Variants in DCC observed in about 807,000 individuals in gnomAD.
DCC encodes DCC netrin 1 receptor.
Under a neutral mutation model 172.5 loss-of-function variants are expected in DCC, and 58 were observed. The ratio of observed to expected loss-of-function variants is 0.34; its 90% CI spans 0.27 to 0.42. DCC has a LOEUF of 0.42. Ranked by LOEUF, DCC falls within the 10% of genes least tolerant of loss-of-function variation. The probability of loss-of-function intolerance (pLI) is 1.00; values close to 1 mark genes in which losing one functional copy is unlikely to be tolerated. For synonymous variants in DCC, 709 were observed against 644.5 expected (o/e 1.10, Z -1.52); for missense variants, 1,740 against 1,791.0 (o/e 0.97, Z 0.51).
At chr18:53,527,280 A>C (rs570995637) in intron 28 of DCC, among the ~76,000 whole-genome samples, 3 of 151,626 alleles carry the variant, frequency 2.0e-5, no homozygotes, top group Admixed American at 6.6e-5. Context: ...ATTCACAGGC[A>C]CAATCATAGT....
intron 9 of DCC, among the ~76,000 whole-genome samples, chr18:53,186,488 C>T (rs2055284294): frequency 6.6e-6 from 1 of 152,150 alleles, no homozygotes; most frequent in African/African-American, 2.4e-5. Flanking sequence ...ATGAGCTGAG[C>T]TGCTTTAGGC....
intron 5 of DCC, among the ~76,000 whole-genome samples, chr18:52,941,515 T>C (rs1027824234): frequency 4.0e-5 from 6 of 151,816 alleles, no homozygotes; most frequent in African/African-American, 1.2e-4. Flanking sequence ...TATATATATA[T>C]ACACACTTGT....
intron 9 of DCC, among the ~76,000 whole-genome samples, 196 bp downstream of exon 9, chr18:53,179,312 C>T (rs571100430): frequency 1.3e-5 from 2 of 152,104 alleles, no homozygotes; most frequent in Non-Finnish European, 2.9e-5. Context: ...AGGCCACATA[C>T]CGTAATGGCA....
intron 1 of DCC, among the ~76,000 whole-genome samples, chr18:52,632,840 C>G (rs1190117793): frequency 6.6e-6 from 1 of 152,194 alleles, no homozygotes; most frequent in East Asian, 1.9e-4. Flanking sequence ...CTCCTTGCAT[C>G]CCTGCTAAAC....
intron 15 of DCC, among the ~76,000 whole-genome samples, chr18:53,352,960 C>G (rs1370051892): frequency 1.3e-5 from 2 of 152,210 alleles, no homozygotes; most frequent in East Asian, 3.9e-4. Context: ...CTTGACCTTA[C>G]CATTATTGAC....
chr18:52,981,908 G>T (rs1165721046), intron 5 of DCC, among the ~76,000 whole-genome samples: 2 of 152,034 alleles, frequency 1.3e-5, no homozygotes, highest in Admixed American at 1.3e-4. Flanking sequence ...ATTTAAGCAG[G>T]ATCTTGAAAG....
intron 5 of DCC, among the ~76,000 whole-genome samples, chr18:52,950,074 G>T (rs1793188207): frequency 6.6e-6 from 1 of 152,256 alleles, no homozygotes; most frequent in Admixed American, 6.5e-5. Context: ...CCATTTAGAA[G>T]CTTAAACTTT....
intron 2 of DCC, among the ~76,000 whole-genome samples, chr18:52,897,577 C>G (rs745531623): frequency 6.6e-6 from 1 of 152,148 alleles, no homozygotes; most frequent in Non-Finnish European, 1.5e-5. Flanking sequence ...ACTTTTCAAG[C>G]TTTTATTTAT....
intron 1 of DCC, among the ~76,000 whole-genome samples, chr18:52,436,817 G>C (rs1322531433): frequency 6.6e-6 from 1 of 152,222 alleles, no homozygotes. Context: ...CTACTCAGGA[G>C]GCTGAGGCAC....
intron 12 of DCC, among the ~76,000 whole-genome samples, chr18:53,290,471 G>A (rs2056989089): frequency 6.6e-6 from 1 of 152,038 alleles, no homozygotes; most frequent in Non-Finnish European, 1.5e-5. Context: ...TGTAACAAAT[G>A]ACCTCATAAA....
At chr18:52,591,074 T>A (rs974239885) in intron 1 of DCC, among the ~76,000 whole-genome samples, 1 of 152,226 alleles carries the variant, frequency 6.6e-6, no homozygotes, top group African/African-American at 2.4e-5. Context: ...TTTATCTTTT[T>A]ATTTATGGAA....
At chr18:52,966,218 G>C (rs2040927820) in intron 5 of DCC, among the ~76,000 whole-genome samples, 1 of 152,114 alleles carries the variant, frequency 6.6e-6, no homozygotes, top group African/African-American at 2.4e-5. Context: ...TTATGGCATG[G>C]TCATGAATAA....
At chr18:53,245,957 T>C (rs2056359871) in intron 12 of DCC, among the ~76,000 whole-genome samples, 1 of 152,068 alleles carries the variant, frequency 6.6e-6, no homozygotes. Context: ...CTGAGCATTT[T>C]GGATACCTTC....
intron 12 of DCC, among the ~76,000 whole-genome samples, chr18:53,240,653 C>G (rs2056279005): frequency 6.6e-6 from 1 of 152,078 alleles, no homozygotes; most frequent in South Asian, 2.1e-4. Context: ...TAAAATGAGA[C>G]TAATACTAGG....
chr18:53,424,789 A>G (rs981692422), intron 21 of DCC, among the ~76,000 whole-genome samples: 7 of 152,182 alleles, frequency 4.6e-5, no homozygotes, highest in African/African-American at 1.7e-4. Flanking sequence ...TCTCATGCCT[A>G]CCTTTGCAGA....
In DCC at chr18:53,500,245, G is replaced by A. The variant is rs181521113; in HGVS notation, c.4111+735G>A. The stretch of plus-strand genomic sequence containing the variant: ...GAGAGAGGCAGAGACAGAAGAAGGA[G>A]GAGAGGAGGAAAAGAAGAAACAGGT... On this transcript the variant is annotated intron_variant, in intron 27 of 28. Transcript: ENST00000442544. 1.9e-3 allele frequency among the ~76,000 whole-genome samples: 287 copies of A among 152,104 alleles called. 4 individuals are homozygous for A. In the South Asian group the frequency reaches 0.023, roughly 12 times the overall value.
intron 15 of DCC, among the ~76,000 whole-genome samples, chr18:53,381,221 T>G (rs369637339): frequency 2.6e-4 from 21 of 80,988 alleles, no homozygotes; most frequent in East Asian, 1.8e-3. Context: ...ATTTTTAATT[T>G]TTTTTCTTTT....
intron 22 of DCC, among the ~76,000 whole-genome samples, chr18:53,440,800 TAA>T (rs1912227083): frequency 7.9e-6 from 1 of 127,372 alleles, no homozygotes; most frequent in Non-Finnish European, 1.9e-5. Flanking sequence ...AAAGGATTTT[TAA>T]AAGTCCTAGT....
chr18:53,080,029 CTT>C (rs1412288117), intron 7 of DCC, among the ~76,000 whole-genome samples: 5 of 151,942 alleles, frequency 3.3e-5, no homozygotes, highest in Non-Finnish European at 5.9e-5. Context: ...TTAAAGATAA[CTT>C]TGGAAGCTGT....
Sources: allele counts gnomAD v4.1 joint callset (sites outside exome capture counted in the v4.1 genomes callset), GRCh38; gene constraint gnomAD v4.1.1; transcripts MANE v1.5; gene names NCBI Gene and HGNC (gene_info 2026-07-23, HGNC 2026-07-21).